CDKL3: variants seen among roughly 807,000 people sequenced by gnomAD.
The protein encoded by CDKL3 is cyclin-dependent kinase-like 3.
In CDKL3, 65 loss-of-function variants were observed where a neutral mutation model predicts 69.3. That is an observed-to-expected ratio of 0.94 (90% confidence interval 0.77 to 1.15). The LOEUF is 1.15. CDKL3 is among the 50% of genes most tolerant of loss of function. The pLI, the probability that CDKL3 is intolerant of heterozygous loss-of-function variation, is 0.00. For synonymous variants in CDKL3, 202 were observed against 221.6 expected, an observed-to-expected ratio of 0.91 and a Z score of 0.79; for missense variants, 652 against 689.2, an observed-to-expected ratio of 0.95 and a Z score of 0.61.
intron 2 of CDKL3, among the ~76,000 whole-genome samples, 198 bp from the exon 3 acceptor site, chr5:134,360,289 C>T (rs770647080): frequency 2.6e-4 from 39 of 152,146 alleles, no homozygotes; most frequent in Non-Finnish European, 4.6e-4. Context: ...AGTGCAACCT[C>T]CACCACCCTA....
Position 134,308,697 on chromosome 5 carries a change from C to A in CDKL3, c.912G>T (p.Leu304=). 1.2e-6 allele frequency: 2 copies of A among 1,600,040 alleles called. No homozygotes were observed. Among genetic ancestry groups the A allele is most frequent in the South Asian group, 1.1e-5 (1 of 87,736 alleles). Reference sequence around the variant, plus strand: ...TTAATGAATTGACTTTTGCTTCCTGCAGTAATTTAGCTTTCAGTTCTGGCA... The same window carrying A: ...TTAATGAATTGACTTTTGCTTCCTGAAGTAATTTAGCTTTCAGTTCTGGCA... ...KFMPELKAKL[L]QEAKVNSLIK... is the part of the protein sequence containing the mutation. Residue 304 remains leucine, a synonymous_variant, in exon 8 of 13, where the codon CTG becomes CTT. Transcript: ENST00000265334.
At chr5:134,339,032 T>C (rs965483246) in intron 4 of CDKL3, among the ~76,000 whole-genome samples, 1 of 151,882 alleles carries the variant, frequency 6.6e-6, no homozygotes, top group Non-Finnish European at 1.5e-5. Context: ...TGGATGCCTG[T>C]AATCCCAGCT....
chr5:134,342,469 G>A (rs1436975329), intron 4 of CDKL3, among the ~76,000 whole-genome samples: 2 of 151,984 alleles, frequency 1.3e-5, no homozygotes, highest in East Asian at 1.9e-4. Flanking sequence ...ACGTAGTGGC[G>A]GACGCTTGTA....
downstream of CDKL3, among the ~76,000 whole-genome samples, chr5:134,294,740 T>C (rs1466024656): frequency 6.6e-6 from 1 of 151,890 alleles, no homozygotes; most frequent in African/African-American, 2.4e-5. Flanking sequence ...CCAGAACTAA[T>C]AAGTGAATTT....
chr5:134,341,725 C>T (rs1469694781), intron 4 of CDKL3, among the ~76,000 whole-genome samples: 1 of 152,258 alleles, frequency 6.6e-6, no homozygotes, highest in Non-Finnish European at 1.5e-5. Flanking sequence ...AAAATGGTGG[C>T]TCCATCTTCC....
At chr5:134,340,887 T>TA (rs1356699235) in intron 4 of CDKL3, among the ~76,000 whole-genome samples, 1 of 151,988 alleles carries the variant, frequency 6.6e-6, no homozygotes, top group Non-Finnish European at 1.5e-5. Context: ...CCCAAACCAG[T>TA]AAAAAAGAAA....
At chr5:134,340,074 A>G (rs1436997929) in intron 4 of CDKL3, among the ~76,000 whole-genome samples, 1 of 152,168 alleles carries the variant, frequency 6.6e-6, no homozygotes, top group Non-Finnish European at 1.5e-5. Flanking sequence ...GGATCACTTA[A>G]GCTGGGGAAG....
intron 10 of CDKL3, among the ~76,000 whole-genome samples, chr5:134,305,594 T>C (rs1449626503): frequency 6.6e-6 from 1 of 152,218 alleles, no homozygotes; most frequent in African/African-American, 2.4e-5. Flanking sequence ...GGAAACCTTC[T>C]GTGTTACCAG....
intron 12 of CDKL3, 115 bp from the exon 13 acceptor site, chr5:134,298,825 C>T: frequency 7.3e-7 from 1 of 1,367,636 alleles, no homozygotes; most frequent in Non-Finnish European, 1.0e-6. Flanking sequence ...TATAAACATG[C>T]TAGTCAAGCC....
chr5:134,341,263 G>A (rs753462006), intron 4 of CDKL3, among the ~76,000 whole-genome samples: 1 of 152,134 alleles, frequency 6.6e-6, no homozygotes, highest in East Asian at 1.9e-4. Context: ...TTCCCGATAA[G>A]ATTAGGAACA....
At chr5:134,336,805 AGTCT>A (rs1777225005) in intron 4 of CDKL3, among the ~76,000 whole-genome samples, 1 of 152,188 alleles carries the variant, frequency 6.6e-6, no homozygotes, top group Non-Finnish European at 1.5e-5. Context: ...TTGAGGAGGC[AGTCT>A]GTCTGTTATC....
intron 2 of CDKL3, among the ~76,000 whole-genome samples, chr5:134,362,964 G>C (rs1309117631): frequency 6.6e-6 from 1 of 152,076 alleles, no homozygotes; most frequent in African/African-American, 2.4e-5. Flanking sequence ...AAAAGCCAAT[G>C]AGAATAGTTA....
At chr5:134,368,267 A>G (rs1383200303), upstream of CDKL3, among the ~76,000 whole-genome samples, 1 of 152,220 alleles carries the variant, frequency 6.6e-6, no homozygotes, top group African/African-American at 2.4e-5. Context: ...ATTGAGAGAA[A>G]GGAGAAGTGG....
intron 4 of CDKL3, among the ~76,000 whole-genome samples, chr5:134,339,661 C>T (rs1201965968): frequency 1.3e-5 from 2 of 152,124 alleles, no homozygotes; most frequent in Admixed American, 1.3e-4. Context: ...CAGGATAGCC[C>T]ATGTGCTGGA....
chr5:134,346,440 T>C lies in CDKL3; in HGVS notation c.539+3809A>G, dbSNP rs111977168. On this transcript the variant is annotated intron_variant, in intron 4 of 12. Transcript: ENST00000265334. ...TTGTCACGCTTTTCTCTTGCTAACC[T>C]ATCTTTTGTTATAAGGGTATTGGCT... is the stretch of plus-strand genomic sequence containing the variant. Among the ~76,000 whole-genome samples the C allele has an allele frequency of 9.7e-3, 1,475 of 152,336 alleles. 12 individuals are homozygous for C. The highest frequency in any genetic ancestry group is 0.032 in the African/African-American group (1,310 of 41,574).
chr5:134,302,657 G>C lies in CDKL3; in HGVS notation c.1652C>G (p.Ser551Ter). 1 of 1,599,150 alleles carries C rather than the reference G, an allele frequency of 6.3e-7. No homozygotes were observed. Among genetic ancestry groups the C allele is most frequent in the Non-Finnish European group, 8.5e-7 (1 of 1,171,904 alleles). ...TATCTTAGATGACTCTGTTTTCTTT[G>C]ACTCCCTCTTCAGCATTTTTATCTG... ...VKQIKMLKRE[S>*]KKTESSKIPT... The change falls in exon 12 of 13, where the codon TCA (serine) becomes TGA (stop). Residue 551 changes from serine to a stop codon, truncating the protein, a stop_gained. Transcript: ENST00000265334. LOFTEE classifies it high-confidence loss of function.
In CDKL3 at chr5:134,306,633, CCTG is replaced by C; in HGVS notation, c.1431_1433del (p.Ser477del). ...CTTGAATAGGACCTGGATCCTCTTG[CCTG>C]CTATTAGGCATAACTTGTCCAATAG... On this transcript the variant is annotated inframe_deletion, in exon 10 of 13. Coordinates refer to ENST00000265334, the MANE Select transcript of CDKL3 (RefSeq NM_001113575.2). 8.1e-6 allele frequency: 13 copies of C among 1,595,738 alleles called. No individual in the cohort carries two copies. The highest frequency in any genetic ancestry group is 1.1e-5 in the Non-Finnish European group (13 of 1,173,058).
At chr5:134,336,606 T>C (rs1168793263) in intron 4 of CDKL3, among the ~76,000 whole-genome samples, 1 of 152,214 alleles carries the variant, frequency 6.6e-6, no homozygotes, top group East Asian at 1.9e-4. Context: ...CTGTTGGAGT[T>C]TGCTGGAGGT....
intron 3 of CDKL3, among the ~76,000 whole-genome samples, chr5:134,353,620 C>T (rs1379327343): frequency 1.3e-5 from 2 of 150,476 alleles, no homozygotes; most frequent in Non-Finnish European, 1.5e-5. Flanking sequence ...GGCGCAATCT[C>T]GGCTCACTGC....
Sources: allele counts gnomAD v4.1 joint callset (sites outside exome capture counted in the v4.1 genomes callset), GRCh38; gene constraint gnomAD v4.1.1; transcripts MANE v1.5; gene names NCBI Gene and HGNC (gene_info 2026-07-23, HGNC 2026-07-21).